The following TENM2 variants were observed in gnomAD, a reference collection of about 807,000 sequenced individuals.
TENM2 encodes teneurin transmembrane protein 2, also known as teneurin-2.
Under a neutral mutation model 245.2 loss-of-function variants are expected in TENM2, and 52 were observed. The ratio of observed to expected loss-of-function variants is 0.21; its 90% CI spans 0.17 to 0.27. The LOEUF (loss-of-function observed/expected upper bound fraction) is 0.27, where lower values mean the gene tolerates loss of function less well. Among genes scored for constraint, TENM2 ranks in the 10% least tolerant of loss-of-function variants. The probability of loss-of-function intolerance (pLI) is 1.00; values close to 1 mark genes in which losing one functional copy is unlikely to be tolerated. For missense variants in TENM2, 3,046 were observed against 3,666.8 expected, an observed-to-expected ratio of 0.83 and a Z score of 4.37; for synonymous variants, 1,363 against 1,438.9, an observed-to-expected ratio of 0.95 and a Z score of 1.19.
intron 2 of TENM2, among the ~76,000 whole-genome samples, chr5:167,445,341 A>G (rs1287307494): frequency 3.5e-5 from 4 of 114,044 alleles, no homozygotes; most frequent in Admixed American, 9.0e-5. Flanking sequence ...ATATATAGAG[A>G]GAGAGAGAGA....
the TENM2 span, among the ~76,000 whole-genome samples, chr5:166,991,074 A>G: frequency 6.6e-6 from 1 of 152,174 alleles, no homozygotes; most frequent in Non-Finnish European, 1.5e-5. Flanking sequence ...TCCAACTAGA[A>G]TGCCTGAGGC....
At chr5:167,795,784 T>C (rs974974325) in intron 2 of TENM2, among the ~76,000 whole-genome samples, 2 of 152,182 alleles carry the variant, frequency 1.3e-5, no homozygotes, top group Non-Finnish European at 2.9e-5. Flanking sequence ...AGGTAACTAA[T>C]GACTGTCAAG....
rs917448019 is a variant in TENM2, at chr5:167,866,660, A to G, written c.503-9326A>G. On this transcript the variant is annotated intron_variant, in intron 2 of 28. Coordinates refer to ENST00000518659, the Ensembl canonical transcript of TENM2. Reference sequence around the variant, plus strand: ...CTGGCACAAGATAACATAGAGTTTAAACTATACTATAGGCAATGGAAAGCC... The same window carrying G: ...CTGGCACAAGATAACATAGAGTTTAGACTATACTATAGGCAATGGAAAGCC... Among the ~76,000 whole-genome samples the G allele has an allele frequency of 2.0e-5, 3 of 152,168 alleles. No individual in the cohort carries two copies. The South Asian group carries it at 6.2e-4, about 32-fold the overall frequency.
chr5:167,188,518 A>G, the TENM2 span, among the ~76,000 whole-genome samples: 4 of 152,260 alleles, frequency 2.6e-5, no homozygotes, highest in East Asian at 3.9e-4. Flanking sequence ...TTCACTCAGT[A>G]TAAAAGGGAA....
rs184399380 is a variant in TENM2 at position 167,514,965 on chromosome 5, C to T, written c.502+139492C>T. 1.8e-3 allele frequency among the ~76,000 whole-genome samples: 277 copies of T among 152,166 alleles called. 4 individuals carry two copies. Among genetic ancestry groups the T allele is most frequent in the African/African-American group, 6.4e-3 (264 of 41,518 alleles). ...GGCGGAGGTTGCGGTGAGCCGAGAT[C>T]AAGCCATTGCACTCCAGCCTGGGTG... On this transcript the variant is annotated intron_variant, in intron 2 of 28. Coordinates refer to ENST00000518659, the Ensembl canonical transcript of TENM2.
intron 12 of TENM2, among the ~76,000 whole-genome samples, chr5:168,143,935 C>T (rs1419397442): frequency 2.7e-5 from 4 of 149,026 alleles, no homozygotes; most frequent in South Asian, 2.1e-4. Context: ...CTGCAACCTC[C>T]GTTTCCCGGG....
chr5:167,612,439 T>A (rs1483283532), intron 2 of TENM2, among the ~76,000 whole-genome samples: 1 of 152,094 alleles, frequency 6.6e-6, no homozygotes, highest in Non-Finnish European at 1.5e-5. Context: ...CATGATTTTT[T>A]TAAAAAAAAG....
intron 2 of TENM2, among the ~76,000 whole-genome samples, chr5:167,523,358 T>C (rs1289486892): frequency 1.3e-5 from 2 of 152,172 alleles, no homozygotes; most frequent in Non-Finnish European, 2.9e-5. Context: ...CACCATGCAG[T>C]GCTGGCTGAT....
intron 2 of TENM2, among the ~76,000 whole-genome samples, chr5:167,381,915 A>G (rs938501777): frequency 2.6e-5 from 4 of 152,188 alleles, no homozygotes; most frequent in African/African-American, 9.7e-5. Flanking sequence ...ATTTAGATTT[A>G]AATGCTTCAG....
At chr5:168,045,674 T>G (rs1169137531) in intron 5 of TENM2, among the ~76,000 whole-genome samples, 8 of 152,234 alleles carry the variant, frequency 5.3e-5, no homozygotes, top group African/African-American at 1.9e-4. Context: ...CCAGTGCAGC[T>G]GCAGCTGGCC....
the TENM2 span, among the ~76,000 whole-genome samples, chr5:167,176,896 A>G: frequency 1.3e-5 from 2 of 152,184 alleles, no homozygotes; most frequent in Non-Finnish European, 2.9e-5. Context: ...ATGGGGATAC[A>G]TTTTTAATAT....
At chr5:168,099,206 G>A (rs963671772) in intron 9 of TENM2, among the ~76,000 whole-genome samples, 4 of 151,972 alleles carry the variant, frequency 2.6e-5, no homozygotes, top group Non-Finnish European at 4.4e-5. Context: ...CACTGTGCCC[G>A]GCCTCGTTTT....
intron 2 of TENM2, among the ~76,000 whole-genome samples, chr5:167,813,723 G>A (rs1173308769): frequency 6.6e-6 from 1 of 152,074 alleles, no homozygotes; most frequent in African/African-American, 2.4e-5. Flanking sequence ...GATTTCTTGG[G>A]AACAGGCTAT....
At chr5:167,638,122 TGTGTGTGTGTGTGTG>T (rs1254089728) in intron 2 of TENM2, among the ~76,000 whole-genome samples, 2 of 150,070 alleles carry the variant, frequency 1.3e-5, no homozygotes, top group East Asian at 4.2e-4. Context: ...TGTGTGTGTG[TGTGTGTGTGTGTGTG>T]TGTGTGTCAG....
chr5:167,454,525 G>T (rs1193345768), intron 2 of TENM2, among the ~76,000 whole-genome samples: 1 of 151,352 alleles, frequency 6.6e-6, no homozygotes, highest in African/African-American at 2.4e-5. Flanking sequence ...CTGTGTGTGT[G>T]CATGCACACC....
intron 2 of TENM2, among the ~76,000 whole-genome samples, chr5:167,847,195 C>T (rs1156946505): frequency 6.6e-6 from 1 of 152,200 alleles, no homozygotes; most frequent in African/African-American, 2.4e-5. Context: ...TTAAGCGATC[C>T]TCTTGCCTTA....
chr5:167,058,228 T>C, the TENM2 span, among the ~76,000 whole-genome samples: 4 of 152,248 alleles, frequency 2.6e-5, no homozygotes, highest in East Asian at 1.9e-4. Flanking sequence ...AGGGTCAGTA[T>C]TGAAGTTTTG....
At chr5:167,972,777 A>C (rs538214817) in intron 4 of TENM2, among the ~76,000 whole-genome samples, 1 of 152,344 alleles carries the variant, frequency 6.6e-6, no homozygotes, top group East Asian at 1.9e-4. Flanking sequence ...ACATAGAATT[A>C]AGAGGATTTT....
chr5:167,115,984 G>A, the TENM2 span, among the ~76,000 whole-genome samples: 4,002 of 152,290 alleles, frequency 0.026, 180 homozygotes, highest in African/African-American at 0.091. Context: ...TAGGACTGTT[G>A]TGAGAATTAA....
Sources: allele counts gnomAD v4.1 joint callset (sites outside exome capture counted in the v4.1 genomes callset), GRCh38; gene constraint gnomAD v4.1.1; transcripts MANE v1.5; gene names NCBI Gene and HGNC (gene_info 2026-07-23, HGNC 2026-07-21).